ASCL5: variants seen among roughly 807,000 people sequenced by gnomAD.
The protein encoded by ASCL5 is achaete-scute family bHLH transcription factor 5.
For missense variants in ASCL5, 262 were observed against 268.9 expected (o/e 0.97, Z 0.18); for synonymous variants, 124 against 131.5 (o/e 0.94, Z 0.39).
At chr1:201,125,100 A>G (rs1037687786) in intron 1 of ASCL5, among the ~76,000 whole-genome samples, 1 of 152,246 alleles carries the variant, frequency 6.6e-6, no homozygotes, top group African/African-American at 2.4e-5. Context: ...TGGCTTTGCC[A>G]CTTCCCAGCT....
At chr1:201,117,464 G>T (rs558708529) in intron 1 of ASCL5, among the ~76,000 whole-genome samples, 17 of 151,934 alleles carry the variant, frequency 1.1e-4, no homozygotes, top group Non-Finnish European at 1.9e-4. Flanking sequence ...AAATGTCTGA[G>T]AATTCAGGAC....
chr1:201,117,304 TG>T (rs1215533983), intron 1 of ASCL5, among the ~76,000 whole-genome samples: 6 of 151,880 alleles, frequency 4.0e-5, no homozygotes, highest in African/African-American at 1.5e-4. Context: ...GGTGGAATGG[TG>T]GGTGCCTGTA....
intron 1 of ASCL5, among the ~76,000 whole-genome samples, chr1:201,120,473 A>C (rs1663432157): frequency 6.6e-6 from 1 of 152,192 alleles, no homozygotes; most frequent in Non-Finnish European, 1.5e-5. Flanking sequence ...CATGGGCAAC[A>C]GGCAACCTGA....
chr1:201,115,257 G>T lies in ASCL5; in HGVS notation c.116C>A (p.Pro39His). The part of the protein sequence containing the change: ...PRQAPLPPAE[P>H]LGNVPFLLYP... ...CAGCAGGAAGGGCACGTTGCCCAGG[G>T]GCTCGGCGGGGGGCAGGGGCGCCTG... Residue 39 changes from proline (P) to histidine (H), a missense_variant, in exon 2 of 2, where the codon CCC (proline) becomes CAC (histidine). Physicochemically the swap from Pro to His is moderately conservative, Grantham distance 77 (BLOSUM62 -2). Transcript: ENST00000449188. The T allele has an allele frequency of 8.1e-7, 1 of 1,231,454 alleles. No individual in the cohort carries two copies. The allele number at this position is 1,231,454 out of a possible 1,614,324, so 76.3% of individuals were successfully genotyped here. A position where few individuals can be genotyped will look rare whatever the true frequency, so the allele number is the denominator to read the frequency against.
intron 1 of ASCL5, among the ~76,000 whole-genome samples, chr1:201,116,425 C>T (rs2102199107): frequency 6.6e-6 from 1 of 152,304 alleles, no homozygotes; most frequent in Middle Eastern, 3.4e-3. Flanking sequence ...GCCTTCCCTG[C>T]CCCAGTCCCT....
chr1:201,116,032 T>C (rs16847745), intron 1 of ASCL5, among the ~76,000 whole-genome samples, 155 bp from the exon 2 acceptor site: 33,656 of 152,154 alleles, frequency 0.22, 4,470 homozygotes, highest in African/African-American at 0.37. Flanking sequence ...AAATCTTGTG[T>C]CCACTCCTTA....
chr1:201,115,043 G>C lies in ASCL5; in HGVS notation c.330C>G (p.Leu110=). 8.1e-7 allele frequency: 1 copy of C among 1,232,100 alleles called. No individual in the cohort carries two copies. Among genetic ancestry groups the C allele is most frequent in the Non-Finnish European group, 1.0e-6 (1 of 988,290 alleles). 76.3% of individuals were successfully genotyped at this position (1,232,100 alleles called of 1,614,324 possible). ...GTCGCTTCTCAGCCAGGGCGCCGGG[G>C]AGGTGGCCGCGGAGGCGAGCGTAGC... ...NEGYARLRGH[L]PGALAEKRLS... The change falls in exon 2 of 2, where the codon CTC becomes CTG. Residue 110 remains leucine, a synonymous_variant. Transcript: ENST00000449188.
chr1:201,121,955 T>G (rs536823442), intron 1 of ASCL5, among the ~76,000 whole-genome samples: 17 of 152,268 alleles, frequency 1.1e-4, no homozygotes, highest in Non-Finnish European at 2.5e-4. Context: ...ACCATATACA[T>G]AGTGAACACT....
intron 1 of ASCL5, among the ~76,000 whole-genome samples, chr1:201,124,699 G>A (rs961755439): frequency 1.4e-4 from 21 of 152,200 alleles, no homozygotes; most frequent in African/African-American, 4.8e-4. Flanking sequence ...GAGGGGAGAC[G>A]GTGCCCGTAA....
At chr1:201,124,166 T>C (rs893300293) in intron 1 of ASCL5, among the ~76,000 whole-genome samples, 1 of 152,222 alleles carries the variant, frequency 6.6e-6, no homozygotes, top group African/African-American at 2.4e-5. Context: ...AGTGAAGTCA[T>C]GGTCAGAATG....
At chr1:201,118,375 G>A (rs1036007464) in intron 1 of ASCL5, among the ~76,000 whole-genome samples, 3 of 152,034 alleles carry the variant, frequency 2.0e-5, no homozygotes. Flanking sequence ...CAGCTACTCA[G>A]GGGGAGGCTG....
chr1:201,116,211 A>G (rs1334103397), intron 1 of ASCL5, among the ~76,000 whole-genome samples: 1 of 152,204 alleles, frequency 6.6e-6, no homozygotes, highest in Non-Finnish European at 1.5e-5. Flanking sequence ...ATGTCCCTTG[A>G]GACTGGGGGA....
intron 1 of ASCL5, among the ~76,000 whole-genome samples, chr1:201,122,843 T>A (rs1281103120): frequency 2.0e-5 from 3 of 152,226 alleles, no homozygotes; most frequent in African/African-American, 7.2e-5. Flanking sequence ...CTGCTCTTAC[T>A]GGCTAAGTAG....
rs1251289106 is a variant in ASCL5, at chr1:201,115,021, G to T, written c.352C>A (p.Arg118=). 8 of 1,231,914 alleles carry T rather than the reference G, an allele frequency of 6.5e-6. No individual in the cohort carries two copies. Among genetic ancestry groups the T allele is most frequent in the Non-Finnish European group, 8.1e-6 (8 of 988,150 alleles). The allele number at this position is 1,231,914 out of a possible 1,614,324, so 76.3% of individuals were successfully genotyped here. ...GHLPGALAEK[R]LSKVETLRAA... ...CGCAGCGTCTCCACCTTGCTGAGTC[G>T]CTTCTCAGCCAGGGCGCCGGGGAGG... The change falls in exon 2 of 2, where the codon CGA becomes AGA. Residue 118 remains arginine, a synonymous_variant. Transcript: ENST00000449188.
chr1:201,115,747 T>C lies in ASCL5; in HGVS notation c.-375A>G. ...GGCCTAAACCACGGGCTCCATGTCC[T>C]CCACACCCACCCCAGCGCCTGGTCC... On this transcript the variant is annotated 5_prime_UTR_variant, in exon 2 of 2. Transcript: ENST00000449188. 1 of 161,416 alleles carries C rather than the reference T, an allele frequency of 6.2e-6. No homozygotes were observed. 10.0% of individuals were successfully genotyped at this position (161,416 alleles called of 1,614,324 possible). A position where few individuals can be genotyped will look rare whatever the true frequency, so the allele number is the denominator to read the frequency against.
rs573883573 is a variant in ASCL5, at chr1:201,115,202, G to A, written c.171C>T (p.Tyr57=). The change falls in exon 2 of 2, where the codon TAC becomes TAT. Residue 57 remains tyrosine, a synonymous_variant. Coordinates refer to ENST00000449188, the MANE Select transcript of ASCL5 (RefSeq NM_001270601.2). ...LYPGPAEPPY[Y]DAYAGVFPYV... Reference sequence around the variant, plus strand: ...AGGGGAACACCCCCGCATAGGCGTCGTAGTAGGGCGGCTCTGCTGGGCCCG... The same window carrying A: ...AGGGGAACACCCCCGCATAGGCGTCATAGTAGGGCGGCTCTGCTGGGCCCG... 23 of 1,231,572 alleles carry A rather than the reference G, an allele frequency of 1.9e-5. No homozygotes were observed. In the South Asian group the frequency reaches 7.0e-4, roughly 37 times the overall value. The allele number at this position is 1,231,572 out of a possible 1,614,324, so 76.3% of individuals were successfully genotyped here. A position where few individuals can be genotyped will look rare whatever the true frequency, so the allele number is the denominator to read the frequency against.
intron 1 of ASCL5, among the ~76,000 whole-genome samples, chr1:201,117,001 G>A (rs532516867): frequency 1.3e-5 from 2 of 152,288 alleles, no homozygotes; most frequent in African/African-American, 4.8e-5. Flanking sequence ...TCCCGAGAAT[G>A]TCTCCTTCTG....
intron 1 of ASCL5, among the ~76,000 whole-genome samples, chr1:201,116,468 G>A (rs1212437524): frequency 6.6e-6 from 1 of 151,952 alleles, no homozygotes; most frequent in Non-Finnish European, 1.5e-5. Context: ...ACCCCACCCT[G>A]GGTTTCTCCA....
Position 201,123,313 on chromosome 1 carries a change from G to A in ASCL5, c.-506+3771C>T, listed in dbSNP as rs115971244. Among the ~76,000 whole-genome samples, 277 of 152,266 alleles carry A rather than the reference G, an allele frequency of 1.8e-3. 2 individuals carry two copies. Among genetic ancestry groups the A allele is most frequent in the Middle Eastern group, 6.8e-3 (2 of 294 alleles). On this transcript the variant is annotated intron_variant, in intron 1 of 1. Coordinates refer to ENST00000449188, the MANE Select transcript of ASCL5 (RefSeq NM_001270601.2). ...CCACCTACCAAATAACATCTCCTGA[G>A]CTCCTTCAAGGAATCCTTCTGTGGG...
Sources: gnomAD v4.1 joint callset for allele counts (sites outside exome capture counted in the v4.1 genomes callset) on GRCh38, gnomAD v4.1.1 for gene constraint, MANE v1.5 for transcripts, NCBI Gene and HGNC (gene_info 2026-07-23, HGNC 2026-07-21) for gene names.